The following C1orf54 variants were observed in gnomAD, a reference collection of about 807,000 sequenced individuals.
C1orf54 encodes uncharacterized protein C1orf54.
In C1orf54, 12 loss-of-function variants were observed where a neutral mutation model predicts 14.7. The ratio of observed to expected loss-of-function variants is 0.82; its 90% confidence interval spans 0.52 to 1.32. The LOEUF (loss-of-function observed/expected upper bound fraction) is 1.32, where lower values mean the gene tolerates loss of function less well. C1orf54 is among the 40% of genes most tolerant of loss of function. The pLI, the probability that C1orf54 is intolerant of heterozygous loss-of-function variation, is 0.00. For synonymous variants in C1orf54, 65 were observed against 56.3 expected, an observed-to-expected ratio of 1.16 and a Z score of -0.70; for missense variants, 163 against 162.2, an observed-to-expected ratio of 1.00 and a Z score of -0.03.
At chr1:150,279,145 C>A (rs1652902442) in intron 4 of C1orf54, among the ~76,000 whole-genome samples, 1 of 152,144 alleles carries the variant, frequency 6.6e-6, no homozygotes, top group South Asian at 2.1e-4. Context: ...GTGGCGGGTG[C>A]CTGTAATCTC....
chr1:150,273,192 G>A (rs1652353108), intron 1 of C1orf54, among the ~76,000 whole-genome samples: 1 of 152,188 alleles, frequency 6.6e-6, no homozygotes. Context: ...TTATTGGAAG[G>A]TGTCACAGTC....
At chr1:150,278,099 A>G (rs1356217752) in intron 4 of C1orf54, among the ~76,000 whole-genome samples, 1 of 90 alleles carries the variant, frequency 0.011, no homozygotes, top group African/African-American at 0.042. Flanking sequence ...CTCCATCTCA[A>G]AAAAAGAAAA....
intron 1 of C1orf54, 36 bp from the exon 2 acceptor site, chr1:150,274,051 C>T (rs2101869481): frequency 1.4e-6 from 2 of 1,455,268 alleles, no homozygotes; most frequent in Middle Eastern, 1.7e-4. Context: ...TAAGGTGTTC[C>T]AGATGTCCCT....
At chr1:150,269,092 C>G, upstream of C1orf54, 1 of 370,110 alleles carries the variant, frequency 2.7e-6, no homozygotes, top group South Asian at 2.6e-5. Context: ...GGAGAATCAG[C>G]GCGGGCGGAG....
At chr1:150,276,399 C>A in intron 3 of C1orf54, 123 bp from the exon 4 acceptor site, 1 of 739,342 alleles carries the variant, frequency 1.4e-6, no homozygotes, top group South Asian at 1.7e-5. Flanking sequence ...GGGGGGAATC[C>A]CTGAGCTTAA....
upstream of C1orf54, chr1:150,272,280 A>G (rs1409920272): frequency 6.4e-6 from 1 of 157,286 alleles, no homozygotes; most frequent in East Asian, 1.9e-4. Flanking sequence ...CCTATTCTCT[A>G]TAGCTCCAGA....
intron 4 of C1orf54, among the ~76,000 whole-genome samples, chr1:150,278,454 C>T (rs1553852913): frequency 6.6e-6 from 1 of 152,128 alleles, no homozygotes; most frequent in Non-Finnish European, 1.5e-5. Flanking sequence ...TCCTAAAGGT[C>T]ACTGAACTAG....
upstream of C1orf54, among the ~76,000 whole-genome samples, chr1:150,271,116 A>G (rs1652181920): frequency 6.6e-6 from 1 of 150,934 alleles, no homozygotes. Flanking sequence ...GACAATTCTC[A>G]TGTCTTTTTT....
chr1:150,276,605 A>C lies in C1orf54; in HGVS notation c.273A>C (p.Val91=). The C allele has an allele frequency of 6.2e-7, 1 of 1,614,018 alleles. No homozygotes were observed. Among genetic ancestry groups the C allele is most frequent in the Non-Finnish European group, 8.5e-7 (1 of 1,179,888 alleles). Residue 91 remains valine, a synonymous_variant, in exon 4 of 6, where the codon GTA becomes GTC. Coordinates refer to ENST00000369099, the MANE Select transcript of C1orf54 (RefSeq NM_024579.4). ...ETARADHPKP[V]TVKPVTTEPS... ...CACGTGCAGACCATCCGAAGCCTGT[A>C]ACTGTGAAACCAGTAACAACGGAAC...
At chr1:150,279,819 C>A in intron 5 of C1orf54, 78 bp downstream of exon 5, 2 of 1,205,952 alleles carry the variant, frequency 1.7e-6, no homozygotes, top group Non-Finnish European at 1.2e-6. Flanking sequence ...CGAAGTAATT[C>A]TTACCAGTAT....
upstream of C1orf54, chr1:150,272,626 G>A: frequency 1.6e-6 from 1 of 619,236 alleles, no homozygotes; most frequent in Non-Finnish European, 2.9e-6. Context: ...AATCTGGGCA[G>A]CTCTGGCTGG....
chr1:150,268,883 G>A (rs2101856299), upstream of C1orf54: 10 of 1,387,460 alleles, frequency 7.2e-6, no homozygotes, highest in South Asian at 6.2e-5. Context: ...CAGCTGGGGA[G>A]TCCGCGTGGG....
At chr1:150,272,523 T>G (rs933928436), upstream of C1orf54, 2 of 314,400 alleles carry the variant, frequency 6.4e-6, no homozygotes, top group Non-Finnish European at 1.2e-5. Flanking sequence ...TTATTTTTAT[T>G]TTGGTAGTGA....
At chr1:150,276,701 G>A in intron 4 of C1orf54, 69 bp downstream of exon 4, 1 of 1,250,190 alleles carries the variant, frequency 8.0e-7, no homozygotes, top group Non-Finnish European at 1.2e-6. Flanking sequence ...TACATAGAGG[G>A]CTGGAATACC....
upstream of C1orf54, among the ~76,000 whole-genome samples, chr1:150,270,746 C>T (rs1652142070): frequency 6.6e-6 from 1 of 152,078 alleles, no homozygotes; most frequent in South Asian, 2.1e-4. Flanking sequence ...CCTGTAATCC[C>T]AGCACTTTGG....
rs1331338143 is a variant in C1orf54 at position 150,275,808 on chromosome 1, A to G, written c.189+9A>G. 6.2e-7 allele frequency: 1 copy of G among 1,603,394 alleles called. No individual in the cohort carries two copies. The highest frequency in any genetic ancestry group is 8.5e-7 in the Non-Finnish European group (1 of 1,170,656). On this transcript the variant is annotated intron_variant, in intron 3 of 5. Transcript: ENST00000369099. ...AGTCAGAGGACAGGCTGGTGAGTGA[A>G]CTCTACATCTAAAAGGGTTAGGATA...
chr1:150,270,892 A>G (rs1213442367), upstream of C1orf54, among the ~76,000 whole-genome samples: 2 of 144,904 alleles, frequency 1.4e-5, no homozygotes, highest in Non-Finnish European at 3.0e-5. Context: ...GCTACTCAGG[A>G]GGCTGAGGCA....
At chr1:150,275,845 A>G in intron 3 of C1orf54, 46 bp downstream of exon 3, 1 of 1,543,228 alleles carries the variant, frequency 6.5e-7, no homozygotes, top group Non-Finnish European at 8.9e-7. Flanking sequence ...GTAACAATTA[A>G]AAAGAAACTG....
At chr1:150,271,261 T>C (rs151085798), upstream of C1orf54, among the ~76,000 whole-genome samples, 1 of 152,048 alleles carries the variant, frequency 6.6e-6, no homozygotes, top group African/African-American at 2.4e-5. Flanking sequence ...TACTGGCGCC[T>C]GCCACCAAGC....
Sources: gnomAD v4.1 joint callset for allele counts (sites outside exome capture counted in the v4.1 genomes callset) on GRCh38, gnomAD v4.1.1 for gene constraint, MANE v1.5 for transcripts, NCBI Gene and HGNC (gene_info 2026-07-23, HGNC 2026-07-21) for gene names.